The following SLC38A9 variants were observed in gnomAD, a reference collection of about 807,000 sequenced individuals.
The protein encoded by SLC38A9 is solute carrier family 38 member 9.
In SLC38A9, 48 loss-of-function variants were observed where a neutral mutation model predicts 62.3. That is an observed-to-expected ratio of 0.77 (90% CI 0.61 to 0.98). The LOEUF is 0.98. Ranked by LOEUF, SLC38A9 falls within the 50% of genes least tolerant of loss-of-function variation. The probability of loss-of-function intolerance (pLI) is 0.00; values close to 1 mark genes in which losing one functional copy is unlikely to be tolerated. For missense variants in SLC38A9, 541 were observed against 679.8 expected (o/e 0.80, Z 2.27); for synonymous variants, 204 against 227.7 (o/e 0.90, Z 0.94).
rs763457412 is a variant in SLC38A9, at chr5:55,649,262, G to A, written c.1005C>T (p.Arg335=). The A allele has an allele frequency of 6.2e-7, 1 of 1,609,532 alleles. No homozygotes were observed. The highest frequency in any genetic ancestry group is 8.5e-7 in the Non-Finnish European group (1 of 1,178,236). Residue 335 remains arginine (R), a synonymous_variant, in exon 11 of 16, where the codon CGC becomes CGT. Coordinates refer to ENST00000396865, the MANE Select transcript of SLC38A9 (RefSeq NM_173514.4). ...AATGAAATTCCAAATGAAATCCCAA[G>A]CGAACAGCCTTAAAGGTGACAAGGA... ...LIFLVTFKAV[R]LGFHLEFHWF... is the part of the protein sequence containing the mutation.
chr5:55,655,659 T>C (rs1216657419), intron 9 of SLC38A9, among the ~76,000 whole-genome samples: 1 of 152,194 alleles, frequency 6.6e-6, no homozygotes, highest in African/African-American at 2.4e-5. Context: ...GAGGAGGGAC[T>C]TTTGTCTGTT....
At chr5:55,677,264 CATT>C (rs1318412076) in intron 3 of SLC38A9, among the ~76,000 whole-genome samples, 2 of 152,040 alleles carry the variant, frequency 1.3e-5, no homozygotes, top group South Asian at 2.1e-4. Flanking sequence ...TCAAATAAAA[CATT>C]AATATATAAA....
At chr5:55,667,698 T>C (rs1750697255) in intron 7 of SLC38A9, among the ~76,000 whole-genome samples, 4 of 151,990 alleles carry the variant, frequency 2.6e-5, no homozygotes, top group Admixed American at 2.0e-4. Flanking sequence ...GTAAAATGAA[T>C]TGGTGGAAGT....
At chr5:55,657,494 T>TTTG (rs1279227622) in intron 8 of SLC38A9, among the ~76,000 whole-genome samples, 1 of 151,834 alleles carries the variant, frequency 6.6e-6, no homozygotes, top group Non-Finnish European at 1.5e-5. Flanking sequence ...ATCAAAGTTT[T>TTTG]TTTTTTTTTT....
chr5:55,646,059 G>A (rs552345713), intron 11 of SLC38A9, among the ~76,000 whole-genome samples, 164 bp from the exon 12 acceptor site: 13 of 152,242 alleles, frequency 8.5e-5, no homozygotes, highest in South Asian at 6.2e-4. Context: ...ATACTTGGGC[G>A]AAGCACTCAA....
intron 4 of SLC38A9, among the ~76,000 whole-genome samples, chr5:55,672,048 C>T (rs559173762): frequency 2.9e-4 from 44 of 152,054 alleles, no homozygotes; most frequent in Middle Eastern, 3.2e-3. Context: ...GACAGGGTTT[C>T]ACCATCTTCT....
At chr5:55,711,592 C>A (rs575337393) in intron 1 of SLC38A9, 93 bp from the exon 2 acceptor site, 2 of 152,342 alleles carry the variant, frequency 1.3e-5, no homozygotes, top group African/African-American at 2.4e-5. Flanking sequence ...ACTATCAACA[C>A]ACTCACTCTC....
chr5:55,637,881 A>C (rs1004640143), intron 12 of SLC38A9, among the ~76,000 whole-genome samples: 1 of 152,192 alleles, frequency 6.6e-6, no homozygotes, highest in Non-Finnish European at 1.5e-5. Context: ...CCAATATTCA[A>C]ATCAAGATCT....
At chr5:55,696,000 C>A (rs1471335961) in intron 3 of SLC38A9, 3 of 80,346 alleles carry the variant, frequency 3.7e-5, no homozygotes. Context: ...ACCTCCCGGA[C>A]GGGGCAGCTG....
chr5:55,654,006 T>C (rs1466161124), intron 9 of SLC38A9, among the ~76,000 whole-genome samples: 4 of 144,688 alleles, frequency 2.8e-5, no homozygotes, highest in African/African-American at 1.0e-4. Flanking sequence ...TTTCTTCTGT[T>C]ATCAGACAGA....
chr5:55,685,147 C>T (rs944959595), intron 3 of SLC38A9, among the ~76,000 whole-genome samples: 4 of 152,204 alleles, frequency 2.6e-5, no homozygotes, highest in Admixed American at 2.6e-4. Context: ...TTATTCTCAA[C>T]AACTTGGTCA....
intron 12 of SLC38A9, among the ~76,000 whole-genome samples, chr5:55,637,947 C>T (rs1268507142): frequency 1.3e-5 from 2 of 151,700 alleles, no homozygotes; most frequent in African/African-American, 2.4e-5. Flanking sequence ...GACCAGTCTC[C>T]AGTGCAATTG....
At chr5:55,688,380 C>CTTTTTT (rs767493953) in intron 3 of SLC38A9, among the ~76,000 whole-genome samples, 2 of 123,290 alleles carry the variant, frequency 1.6e-5, no homozygotes, top group Non-Finnish European at 3.3e-5. Flanking sequence ...GGCATAATCT[C>CTTTTTT]TTTTTTTTTT....
At chr5:55,676,207 T>C (rs1236629072) in intron 3 of SLC38A9, among the ~76,000 whole-genome samples, 1 of 152,166 alleles carries the variant, frequency 6.6e-6, no homozygotes, top group African/African-American at 2.4e-5. Flanking sequence ...TTTTACTCTA[T>C]TGCCTAGGCC....
intron 3 of SLC38A9, chr5:55,673,156 A>T (rs1751582084): frequency 6.4e-6 from 1 of 155,204 alleles, no homozygotes; most frequent in Admixed American, 6.3e-5. Flanking sequence ...GATAAACAGA[A>T]TTCTTATTCC....
chr5:55,643,602 T>C (rs962515874), intron 12 of SLC38A9, among the ~76,000 whole-genome samples: 2 of 152,248 alleles, frequency 1.3e-5, no homozygotes, highest in African/African-American at 4.8e-5. Context: ...CTATTTGTTC[T>C]ATCAATTACT....
intron 13 of SLC38A9, 104 bp from the exon 14 acceptor site, chr5:55,634,006 A>G (rs1743951378): frequency 1.2e-6 from 1 of 860,850 alleles, no homozygotes; most frequent in Admixed American, 2.9e-5. Context: ...TGCTACTCCG[A>G]TTGTGGTTTG....
intron 10 of SLC38A9, among the ~76,000 whole-genome samples, chr5:55,650,387 T>C (rs1454709638): frequency 6.6e-6 from 1 of 152,182 alleles, no homozygotes; most frequent in Non-Finnish European, 1.5e-5. Flanking sequence ...AAAGGGAAAG[T>C]ACCAAGGAAA....
chr5:55,691,378 C>G, intron 3 of SLC38A9: 2 of 1,365,884 alleles, frequency 1.5e-6, no homozygotes, highest in South Asian at 2.0e-5. Flanking sequence ...GGGGTTAAGT[C>G]TGAGTGAATT....
Sources: allele counts gnomAD v4.1 joint callset (sites outside exome capture counted in the v4.1 genomes callset), GRCh38; gene constraint gnomAD v4.1.1; transcripts MANE v1.5; gene names NCBI Gene and HGNC (gene_info 2026-07-23, HGNC 2026-07-21).